The following RBFOX3 variants were observed in gnomAD, a reference collection of about 807,000 sequenced individuals.
RBFOX3 encodes RNA binding fox-1 homolog 3.
Under a neutral mutation model 48.7 loss-of-function variants are expected in RBFOX3, and 17 were observed. That is an observed-to-expected ratio of 0.35 (90% CI 0.24 to 0.52). The LOEUF is 0.52. Among genes scored for constraint, RBFOX3 ranks in the 20% least tolerant of loss-of-function variants. The probability of loss-of-function intolerance (pLI) is 0.94; values close to 1 mark genes in which losing one functional copy is unlikely to be tolerated. For missense variants in RBFOX3, 382 were observed against 497.5 expected, an observed-to-expected ratio of 0.77 and a Z score of 2.21; for synonymous variants, 212 against 209.5, an observed-to-expected ratio of 1.01 and a Z score of -0.10.
At chr17:79,617,983 G>A in the RBFOX3 span, among the ~76,000 whole-genome samples, 2 of 152,148 alleles carry the variant, frequency 1.3e-5, no homozygotes, top group African/African-American at 4.8e-5. Context: ...AAGAGTGTGC[G>A]ACTCCATATC....
chr17:79,241,098 C>T (rs1271105742), intron 3 of RBFOX3, among the ~76,000 whole-genome samples: 1 of 152,152 alleles, frequency 6.6e-6, no homozygotes, highest in Non-Finnish European at 1.5e-5. Flanking sequence ...ACCTTAGCCT[C>T]CCAAGTAGCT....
rs1430411768 is a variant in RBFOX3 at position 79,477,694 on chromosome 17, G to A, written c.-175+4760C>T. Reference sequence around the variant, plus strand: ...TTGCTCTGGTGGTGAACAAGCAAAGGGGCAGGGTGGCAGAATTAGGCAGGA... The same window carrying A: ...TTGCTCTGGTGGTGAACAAGCAAAGAGGCAGGGTGGCAGAATTAGGCAGGA... On this transcript the variant is annotated intron_variant, in intron 2 of 14. Coordinates refer to ENST00000693108, the MANE Select transcript of RBFOX3 (RefSeq NM_001350451.2). This position sits in a 1 kb window ranked among gnomAD's most constrained non-coding sequence, Gnocchi z 4.8. Among the ~76,000 whole-genome samples, 3 of 152,264 alleles carry A rather than the reference G, an allele frequency of 2.0e-5. No individual in the cohort carries two copies. The highest frequency in any genetic ancestry group is 6.5e-5 in the Admixed American group (1 of 15,300).
At chr17:79,334,262 G>C (rs1005364254) in intron 2 of RBFOX3, among the ~76,000 whole-genome samples, 2 of 152,174 alleles carry the variant, frequency 1.3e-5, no homozygotes, top group African/African-American at 2.4e-5. Flanking sequence ...TGTGCCCCAG[G>C]TGGCTTCACT....
intron 1 of RBFOX3, among the ~76,000 whole-genome samples, chr17:79,555,625 A>G (rs2091656157): frequency 3.3e-5 from 5 of 151,404 alleles, no homozygotes; most frequent in Non-Finnish European, 2.9e-5. Flanking sequence ...GGTGGTGGTA[A>G]TGGTGATTAT....
In RBFOX3 at chr17:79,090,905, G is replaced by A. The variant is rs1354065589; in HGVS notation, c.1078-20C>T. Reference sequence around the variant, plus strand: ...GTTTCACTACAACAGAAACAGAAAGGCAGGACTTGCAGCTTCTCGGGGGAG... The same window carrying A: ...GTTTCACTACAACAGAAACAGAAAGACAGGACTTGCAGCTTCTCGGGGGAG... On this transcript the variant is annotated intron_variant, in intron 14 of 14. Coordinates refer to ENST00000693108, the MANE Select transcript of RBFOX3 (RefSeq NM_001350451.2). 6.5e-7 allele frequency: 1 copy of A among 1,528,614 alleles called. No homozygotes were observed. The highest frequency in any genetic ancestry group is 1.2e-5 in the South Asian group (1 of 82,134). The allele number at this position is 1,528,614 out of a possible 1,614,324, so 94.7% of individuals were successfully genotyped here.
rs1014876791 is a variant in RBFOX3 at position 79,153,012 on chromosome 17, A to C, written c.-33-37264T>G. Among the ~76,000 whole-genome samples, 3 of 152,130 alleles carry C rather than the reference A, an allele frequency of 2.0e-5. No individual in the cohort carries two copies. In the Middle Eastern group the frequency reaches 0.01, roughly 517 times the overall value. ...GCCCGCTGTCCAGATACCCCGCCCC[A>C]CCCTACTCCCTAAGTGCAGGGCAGG... On this transcript the variant is annotated intron_variant, in intron 4 of 14. Transcript: ENST00000693108.
chr17:79,365,508 G>A (rs1051168149), intron 2 of RBFOX3, among the ~76,000 whole-genome samples: 3 of 152,194 alleles, frequency 2.0e-5, no homozygotes, highest in Non-Finnish European at 4.4e-5. Flanking sequence ...GTGCTCTAGC[G>A]CGGCCCTGGC....
intron 2 of RBFOX3, among the ~76,000 whole-genome samples, chr17:79,334,185 A>C (rs1326660072): frequency 6.6e-6 from 1 of 152,064 alleles, no homozygotes; most frequent in Non-Finnish European, 1.5e-5. Flanking sequence ...CTCCTAAATC[A>C]CAATCTTTAG....
chr17:79,106,726 C>T lies in RBFOX3; in HGVS notation c.285G>A (p.Lys95=), dbSNP rs1389267586. Residue 95 remains lysine (K), a synonymous_variant, in exon 6 of 15, where the codon AAG becomes AAA. Coordinates refer to ENST00000693108, the MANE Select transcript of RBFOX3 (RefSeq NM_001350451.2). ...AGACGTGTAGCCGCTTGGGCTGCTGCTTCTCTGTAGGGTCGGAGGGGTGGA... is the reference window on the plus strand; with the variant it reads ...AGACGTGTAGCCGCTTGGGCTGCTGTTTCTCTGTAGGGTCGGAGGGGTGGA... ...QPLHPSDPTE[K]QQPKRLHVSN... 1 of 1,504,268 alleles carries T rather than the reference C, an allele frequency of 6.6e-7. No individual in the cohort carries two copies. The highest frequency in any genetic ancestry group is 1.4e-5 in the African/African-American group (1 of 69,426). 93.2% of individuals were successfully genotyped at this position (1,504,268 alleles called of 1,614,324 possible).
chr17:79,299,483 C>T lies in RBFOX3; in HGVS notation c.-74+8241G>A, dbSNP rs1341887024. On this transcript the variant is annotated intron_variant, in intron 3 of 14. Coordinates refer to ENST00000693108, the MANE Select transcript of RBFOX3 (RefSeq NM_001350451.2). The surrounding 1 kb of genome is among the most constrained non-coding windows in gnomAD (Gnocchi z 4.5). ...AAAAATACAGTGTCATTGCTATTTT[C>T]GTGGCATCTACATTGTATGAGGCCT... 1.3e-5 allele frequency among the ~76,000 whole-genome samples: 2 copies of T among 152,220 alleles called. No homozygotes were observed. Among genetic ancestry groups the T allele is most frequent in the African/African-American group, 2.4e-5 (1 of 41,446 alleles).
At chr17:79,610,566 C>T (rs2093950318) in intron 1 of RBFOX3, among the ~76,000 whole-genome samples, 1 of 152,180 alleles carries the variant, frequency 6.6e-6, no homozygotes. Context: ...CAAAATCGCC[C>T]CTCTGGCCCA....
At chr17:79,148,821 G>T (rs577891078) in intron 4 of RBFOX3, among the ~76,000 whole-genome samples, 1 of 152,310 alleles carries the variant, frequency 6.6e-6, no homozygotes, top group South Asian at 2.1e-4. Flanking sequence ...GGGCCTGGCT[G>T]GGGTAGGCTA....
chr17:79,283,108 A>G (rs933243812), intron 3 of RBFOX3, among the ~76,000 whole-genome samples: 9 of 152,170 alleles, frequency 5.9e-5, no homozygotes, highest in African/African-American at 2.2e-4. Context: ...GCGGGAAGAA[A>G]ACGCTTGCTA....
rs1490025239 is a variant in RBFOX3 at position 79,090,743 on chromosome 17, TG to T, written c.*139del. On this transcript the variant is annotated 3_prime_UTR_variant, in exon 15 of 15. Coordinates refer to ENST00000693108, the MANE Select transcript of RBFOX3 (RefSeq NM_001350451.2). ...GTGGCCAGGACGCGGGACTTGGACT[TG>T]GTTGGATGCCTCTTGGTTTGGTTGG... The T allele has an allele frequency of 9.2e-7, 1 of 1,081,102 alleles. No homozygotes were observed. Among genetic ancestry groups the T allele is most frequent in the Non-Finnish European group, 1.3e-6 (1 of 763,982 alleles). The allele number at this position is 1,081,102 out of a possible 1,614,324, so 67.0% of individuals were successfully genotyped here. A position where few individuals can be genotyped will look rare whatever the true frequency, so the allele number is the denominator to read the frequency against.
chr17:79,170,618 C>T (rs1054968305), intron 4 of RBFOX3, among the ~76,000 whole-genome samples: 45 of 152,198 alleles, frequency 3.0e-4, no homozygotes, highest in African/African-American at 1.0e-3. Context: ...ATACCTCTCC[C>T]GCTAAAGCTT....
intron 2 of RBFOX3, among the ~76,000 whole-genome samples, chr17:79,388,445 C>G (rs1487619363): frequency 1.3e-5 from 2 of 152,244 alleles, no homozygotes; most frequent in Non-Finnish European, 2.9e-5. Context: ...TCTTCCAACA[C>G]ACATGGAATC....
Position 79,177,415 on chromosome 17 carries a change from C to T in RBFOX3, c.-34+58351G>A, listed in dbSNP as rs536097163. On this transcript the variant is annotated intron_variant, in intron 4 of 14. Coordinates refer to ENST00000693108, the MANE Select transcript of RBFOX3 (RefSeq NM_001350451.2). ...CAGGTCTAGCGGGCAGCAGACACCC[C>T]GCTGTGCCAGGCTGGAGAGGAGAGG... Among the ~76,000 whole-genome samples the T allele has an allele frequency of 3.3e-5, 5 of 152,336 alleles. No individual in the cohort carries two copies. The East Asian group carries it at 7.7e-4, about 24-fold the overall frequency.
In RBFOX3 at chr17:79,580,409, C is replaced by G. The variant is rs916143678; in HGVS notation, c.-320+30417G>C. Among the ~76,000 whole-genome samples, 125 of 152,016 alleles carry G rather than the reference C, an allele frequency of 8.2e-4. 4 individuals are homozygous for G. The South Asian group carries it at 0.018, about 22-fold the overall frequency. ...TGTCCTATCTTTTCATAGGTTTAAACCACAGCCCCCCAGCCAGACAGGCAA... is the reference window on the plus strand; with the variant it reads ...TGTCCTATCTTTTCATAGGTTTAAAGCACAGCCCCCCAGCCAGACAGGCAA... On this transcript the variant is annotated intron_variant, in intron 1 of 14. Coordinates refer to ENST00000693108, the MANE Select transcript of RBFOX3 (RefSeq NM_001350451.2).
the RBFOX3 span, among the ~76,000 whole-genome samples, chr17:79,624,345 GGGGAGGCTGGGGAAGGGA>G: frequency 2.2e-4 from 33 of 152,110 alleles, no homozygotes; most frequent in Admixed American, 8.5e-4. Flanking sequence ...CTTAGCTGCA[GGGGAGGCTGGGGAAGGGA>G]GGGAGGCTGG....
Sources: allele counts gnomAD v4.1 joint callset (sites outside exome capture counted in the v4.1 genomes callset), GRCh38; gene constraint gnomAD v4.1.1; non-coding constraint Gnocchi (gnomAD v3.1); transcripts MANE v1.5; gene names NCBI Gene and HGNC (gene_info 2026-07-23, HGNC 2026-07-21).